The following OLR1 variants were observed in gnomAD, a reference collection of about 807,000 sequenced individuals.
The protein encoded by OLR1 is oxidized low-density lipoprotein receptor 1.
Under a neutral mutation model 31.7 loss-of-function variants are expected in OLR1, and 23 were observed. The observed-to-expected ratio is 0.72, with a 90% confidence interval of 0.52 to 1.03. The LOEUF (loss-of-function observed/expected upper bound fraction) is 1.03, where lower values mean the gene tolerates loss of function less well. OLR1 is among the 50% of genes least tolerant of loss of function. The probability of loss-of-function intolerance (pLI) is 0.00; values close to 1 mark genes in which losing one functional copy is unlikely to be tolerated. For missense variants in OLR1, 286 were observed against 315.7 expected (o/e 0.91, Z 0.71); for synonymous variants, 117 against 115.8 (o/e 1.01, Z -0.07).
At position 10,159,844 on chromosome 12, in the gene OLR1, C is replaced by A. The variant is rs1227734693; in HGVS notation, c.*36G>T. ...ATAGCTTAAATTCCAGAATAAAACT[C>A]AAAGACTTTTTTCTTTTCTTCCAGA... is the stretch of plus-strand genomic sequence containing the variant. On this transcript the variant is annotated 3_prime_UTR_variant, in exon 6 of 6. Transcript: ENST00000309539. 4 of 1,565,700 alleles carry A rather than the reference C, an allele frequency of 2.6e-6. No homozygotes were observed. In the African/African-American group the frequency reaches 5.4e-5, roughly 21 times the overall value.
In OLR1 at chr12:10,160,665, A is replaced by T. The variant is rs1948612850; in HGVS notation, c.564+121T>A. 5.3e-6 allele frequency: 7 copies of T among 1,321,912 alleles called. No homozygotes were observed. The South Asian group carries it at 9.3e-5, about 18-fold the overall frequency. The allele number at this position is 1,321,912 out of a possible 1,614,324, so 81.9% of individuals were successfully genotyped here. ...GGTCATACACAAAATTGGTGATCAGACTAAGCTAAAAAAACAGACATTTTG... is the reference window on the plus strand; with the variant it reads ...GGTCATACACAAAATTGGTGATCAGTCTAAGCTAAAAAAACAGACATTTTG... On this transcript the variant is annotated intron_variant, in intron 4 of 5. Coordinates refer to ENST00000309539, the MANE Select transcript of OLR1 (RefSeq NM_002543.4).
chr12:10,167,887 A>G (rs1157645933), intron 2 of OLR1, among the ~76,000 whole-genome samples: 1 of 152,104 alleles, frequency 6.6e-6, no homozygotes, highest in Non-Finnish European at 1.5e-5. Context: ...CTGAATTTTG[A>G]TGGTGCAATA....
At chr12:10,162,934 AT>A (rs1279612941) in intron 3 of OLR1, among the ~76,000 whole-genome samples, 1 of 147,300 alleles carries the variant, frequency 6.8e-6, no homozygotes, top group African/African-American at 2.5e-5. Context: ...AAAATGTAGT[AT>A]TTAAACTTAC....
upstream of OLR1, among the ~76,000 whole-genome samples, chr12:10,173,192 A>T (rs1948737746): frequency 6.6e-6 from 1 of 152,098 alleles, no homozygotes; most frequent in African/African-American, 2.4e-5. Flanking sequence ...ATACTTTTCT[A>T]TTTTCCCTTG....
At chr12:10,161,923 T>TTATATATATA (rs1948622892) in intron 3 of OLR1, among the ~76,000 whole-genome samples, 1 of 40,570 alleles carries the variant, frequency 2.5e-5, no homozygotes, top group African/African-American at 1.4e-4. Context: ...GAAATTTTAA[T>TTATATATATA]GATATATATA....
intron 3 of OLR1, among the ~76,000 whole-genome samples, chr12:10,166,494 C>T (rs557781240): frequency 3.3e-5 from 5 of 150,416 alleles, no homozygotes; most frequent in African/African-American, 1.2e-4. Flanking sequence ...CACCACTTCA[C>T]TCCAGCCTGG....
intron 3 of OLR1, among the ~76,000 whole-genome samples, chr12:10,161,380 G>C (rs1456068179): frequency 6.6e-6 from 1 of 152,016 alleles, no homozygotes; most frequent in African/African-American, 2.4e-5. Flanking sequence ...AGAAAGTGAG[G>C]GTTGGGAGAA....
At chr12:10,171,153 A>C (rs537737610) in intron 1 of OLR1, among the ~76,000 whole-genome samples, 9 of 152,244 alleles carry the variant, frequency 5.9e-5, no homozygotes, top group Admixed American at 3.3e-4. Flanking sequence ...TCATTGGCTC[A>C]AATGTTAAAT....
chr12:10,165,588 A>G (rs1948654482), intron 3 of OLR1, among the ~76,000 whole-genome samples: 1 of 151,996 alleles, frequency 6.6e-6, no homozygotes. Flanking sequence ...ATGGAAAGAG[A>G]TAAGGATCTA....
At chr12:10,162,990 CAG>C in intron 3 of OLR1, among the ~76,000 whole-genome samples, 1 of 151,458 alleles carries the variant, frequency 6.6e-6, no homozygotes, top group South Asian at 2.1e-4. Flanking sequence ...CAAAAATAAA[CAG>C]AGTAAGTGAT....
upstream of OLR1, among the ~76,000 whole-genome samples, chr12:10,173,333 C>T (rs920039792): frequency 6.6e-6 from 1 of 151,858 alleles, no homozygotes; most frequent in African/African-American, 2.4e-5. Flanking sequence ...AAAGAATACA[C>T]AAAGGAAGAA....
Position 10,160,354 on chromosome 12 carries a change from G to T in OLR1, c.673C>A (p.Pro225Thr). The T allele has an allele frequency of 6.2e-7, 1 of 1,611,300 alleles. No homozygotes were observed. Among genetic ancestry groups the T allele is most frequent in the Non-Finnish European group, 8.5e-7 (1 of 1,178,136 alleles). The change falls in exon 5 of 6, where the codon CCC becomes ACC. Residue 225 changes from proline (P) to threonine (T), a missense_variant. Transcript: ENST00000309539. Reference protein sequence around the residue: ...WLWEDGSPLMPHLFRVRGAVS... With the variant: ...WLWEDGSPLMTHLFRVRGAVS... Reference sequence around the variant, plus strand: ...AAAGAATGGGAAACTTACAAGTGGGGCATCAAAGGAGAACCGTCCTCCCAG... The same window carrying T: ...AAAGAATGGGAAACTTACAAGTGGGTCATCAAAGGAGAACCGTCCTCCCAG...
chr12:10,159,885 G>A lies in OLR1; in HGVS notation c.817C>T (p.Gln273Ter). The A allele has an allele frequency of 1.2e-6, 2 of 1,606,914 alleles. No individual in the cohort carries two copies. The highest frequency in any genetic ancestry group is 1.7e-6 in the Non-Finnish European group (2 of 1,176,428). Reference sequence around the variant, plus strand: ...TTCTTCCAGAGCCTTCAAATTCACTGTGCTCTTAGGTTTGCCTTCTTCTGA... The same window carrying A: ...TTCTTCCAGAGCCTTCAAATTCACTATGCTCTTAGGTTTGCCTTCTTCTGA... ...ICQKKANLRA[Q>*] The change falls in exon 6 of 6, where the codon CAG becomes TAG. Residue 273 changes from glutamine (Q) to a stop codon, truncating the protein, a stop_gained. Transcript: ENST00000309539. LOFTEE classifies it high-confidence loss of function.
intron 2 of OLR1, 72 bp from the exon 3 acceptor site, chr12:10,167,029 T>G: frequency 7.0e-7 from 1 of 1,426,446 alleles, no homozygotes; most frequent in Non-Finnish European, 9.6e-7. Context: ...TTTGAGGAAA[T>G]CAAAACAGAA....
chr12:10,174,910 A>T (rs1396305221), upstream of OLR1, among the ~76,000 whole-genome samples: 1 of 152,206 alleles, frequency 6.6e-6, no homozygotes, highest in Non-Finnish European at 1.5e-5. Context: ...CATGTGTCAG[A>T]ATTTTGTTCC....
In OLR1 at chr12:10,159,968, T is replaced by C. The variant is rs1045169061; in HGVS notation, c.734A>G (p.Tyr245Cys). Residue 245 changes from tyrosine to cysteine, a missense_variant, in exon 6 of 6, where the codon TAT (tyrosine) becomes TGT (cysteine). Coordinates refer to ENST00000309539, the MANE Select transcript of OLR1 (RefSeq NM_002543.4). ...CGCATAAACAGCTCCTCGTTGTATA[T>C]ATGCACAGGTACCTGAAGGGTATGT... The part of the protein sequence containing the change: ...SQTYPSGTCA[Y>C]IQRGAVYAEN... The C allele has an allele frequency of 1.2e-6, 2 of 1,614,076 alleles. No individual in the cohort carries two copies. Among genetic ancestry groups the C allele is most frequent in the Non-Finnish European group, 1.7e-6 (2 of 1,179,968 alleles).
At chr12:10,172,299 G>A (rs1337889343), upstream of OLR1, 9 of 466,958 alleles carry the variant, frequency 1.9e-5, no homozygotes, top group Non-Finnish European at 3.1e-5. Context: ...TGGTGATTCT[G>A]AAGGTGTTTC....
In OLR1 at chr12:10,159,530, T is replaced by C. The variant is rs1948602331; in HGVS notation, c.*350A>G. On this transcript the variant is annotated 3_prime_UTR_variant, in exon 6 of 6. Transcript: ENST00000309539. ...CAAGTTCTCCATGTTCTGTCTTTCA[T>C]GCAATTTTAGGAGTGTGAGGGGAAG... The C allele has an allele frequency of 5.9e-6, 1 of 168,968 alleles. No individual in the cohort carries two copies. Among genetic ancestry groups the C allele is most frequent in the Non-Finnish European group, 1.3e-5 (1 of 77,982 alleles). The allele number at this position is 168,968 out of a possible 1,614,324, so 10.5% of individuals were successfully genotyped here.
At position 10,159,960 on chromosome 12, in the gene OLR1, G is replaced by A. The variant is rs374394285; in HGVS notation, c.742C>T (p.Arg248Ter). ...CAGTTTTCCGCATAAACAGCTCCTC[G>A]TTGTATATATGCACAGGTACCTGAA... is the stretch of plus-strand genomic sequence containing the variant. ...YPSGTCAYIQ[R>*]GAVYAENCIL... The change falls in exon 6 of 6, where the codon CGA (arginine) becomes TGA (stop). Residue 248 changes from arginine to a stop codon, truncating the protein, a stop_gained. Transcript: ENST00000309539. LOFTEE classifies it low-confidence loss of function (END_TRUNC). The A allele has an allele frequency of 5.1e-5, 82 of 1,613,830 alleles. No homozygotes were observed. Among genetic ancestry groups the A allele is most frequent in the Admixed American group, 6.7e-5 (4 of 59,992 alleles).
Sources: gnomAD v4.1 joint callset for allele counts (sites outside exome capture counted in the v4.1 genomes callset) on GRCh38, gnomAD v4.1.1 for gene constraint, MANE v1.5 for transcripts, NCBI Gene and HGNC (gene_info 2026-07-23, HGNC 2026-07-21) for gene names.